The following PTPRG variants were observed in gnomAD, a reference collection of about 807,000 sequenced individuals.
The protein encoded by PTPRG is protein tyrosine phosphatase receptor type G.
PTPRG carries 102 observed loss-of-function variants against 165.3 expected under a neutral mutation model. The ratio of observed to expected loss-of-function variants is 0.62; its 90% CI spans 0.53 to 0.73. The LOEUF (loss-of-function observed/expected upper bound fraction) is 0.73, where lower values mean the gene tolerates loss of function less well. PTPRG is among the 30% of genes least tolerant of loss of function. The probability of loss-of-function intolerance (pLI) is 0.00; values close to 1 mark genes in which losing one functional copy is unlikely to be tolerated. For missense variants in PTPRG, 1,866 were observed against 1,861.4 expected, an observed-to-expected ratio of 1.00 and a Z score of -0.05; for synonymous variants, 675 against 669.5, an observed-to-expected ratio of 1.01 and a Z score of -0.13.
chr3:62,114,840 A>G (rs963359122), intron 5 of PTPRG, among the ~76,000 whole-genome samples: 6 of 152,020 alleles, frequency 3.9e-5, no homozygotes, highest in African/African-American at 1.2e-4. Context: ...AGGGTTCACT[A>G]TGTTGTCCAG....
At chr3:61,851,826 T>C (rs2107367327) in intron 2 of PTPRG, among the ~76,000 whole-genome samples, 1 of 152,284 alleles carries the variant, frequency 6.6e-6, no homozygotes, top group East Asian at 1.9e-4. Context: ...AGTAGCATAA[T>C]TGTGGAGGTG....
At chr3:61,619,043 G>C (rs1701381189) in intron 1 of PTPRG, among the ~76,000 whole-genome samples, 1 of 151,386 alleles carries the variant, frequency 6.6e-6, no homozygotes, top group South Asian at 2.1e-4. Flanking sequence ...TGTGGTCCCA[G>C]CTACTCGGGA....
chr3:62,176,495 G>A (rs1386492240), intron 8 of PTPRG, among the ~76,000 whole-genome samples: 2 of 152,072 alleles, frequency 1.3e-5, no homozygotes, highest in Non-Finnish European at 2.9e-5. Flanking sequence ...GGATGTCATC[G>A]GGTGACTTGA....
chr3:62,094,746 G>T (rs1332472314), intron 5 of PTPRG, among the ~76,000 whole-genome samples: 1 of 152,226 alleles, frequency 6.6e-6, no homozygotes, highest in East Asian at 1.9e-4. Flanking sequence ...TGTTTCTGCA[G>T]TGGACCAGAA....
intron 4 of PTPRG, among the ~76,000 whole-genome samples, chr3:62,058,939 C>A (rs115031838): frequency 0.013 from 2,023 of 152,190 alleles, 29 homozygotes; most frequent in Non-Finnish European, 0.019. Context: ...ATTGTCACAC[C>A]AGAAGGAGAT....
At chr3:61,871,787 G>T (rs993256742) in intron 2 of PTPRG, among the ~76,000 whole-genome samples, 4 of 152,190 alleles carry the variant, frequency 2.6e-5, no homozygotes, top group Non-Finnish European at 4.4e-5. Context: ...TTTTGGAATT[G>T]CAGCTCCCAG....
rs565725364 is a variant in PTPRG, at chr3:61,739,040, G to A, written c.86-9838G>A. 6.5e-5 allele frequency: 8 copies of A among 123,486 alleles called. No homozygotes were observed. The South Asian group carries it at 2.1e-3, about 32-fold the overall frequency. 7.6% of individuals were successfully genotyped at this position (123,486 alleles called of 1,614,324 possible). Reference sequence around the variant, plus strand: ...GGGTCTTGCTTTGTTGCCTAGACTGGTCACAAACTCCTGGGCTCAAGCTCT... The same window carrying A: ...GGGTCTTGCTTTGTTGCCTAGACTGATCACAAACTCCTGGGCTCAAGCTCT... On this transcript the variant is annotated intron_variant, in intron 1 of 29. Coordinates refer to ENST00000474889, the MANE Select transcript of PTPRG (RefSeq NM_002841.4).
At chr3:62,095,919 C>T (rs1702092996) in intron 5 of PTPRG, among the ~76,000 whole-genome samples, 1 of 152,088 alleles carries the variant, frequency 6.6e-6, no homozygotes, top group Non-Finnish European at 1.5e-5. Context: ...AGAAAGCCCT[C>T]AAGGCTCAAG....
intron 13 of PTPRG, among the ~76,000 whole-genome samples, chr3:62,220,573 G>A (rs1700627799): frequency 6.6e-6 from 1 of 152,172 alleles, no homozygotes; most frequent in African/African-American, 2.4e-5. Context: ...GTTTCCTCGG[G>A]CGTCTGACGG....
At chr3:61,711,099 A>G (rs1349343044) in intron 1 of PTPRG, among the ~76,000 whole-genome samples, 1 of 152,006 alleles carries the variant, frequency 6.6e-6, no homozygotes, top group African/African-American at 2.4e-5. Flanking sequence ...ACGGACATAA[A>G]CTCATCCTTT....
At chr3:62,183,247 T>C (rs1343814074) in intron 8 of PTPRG, among the ~76,000 whole-genome samples, 2 of 152,144 alleles carry the variant, frequency 1.3e-5, no homozygotes, top group Non-Finnish European at 1.5e-5. Flanking sequence ...GCTCATCAGA[T>C]AGGACTCGTT....
chr3:62,253,068 C>T (rs1034066172), intron 15 of PTPRG, among the ~76,000 whole-genome samples: 4 of 152,158 alleles, frequency 2.6e-5, no homozygotes, highest in Non-Finnish European at 5.9e-5. Context: ...GTGACATTAG[C>T]TTGGATATTA....
intron 1 of PTPRG, among the ~76,000 whole-genome samples, chr3:61,701,250 C>G (rs2030938636): frequency 6.6e-6 from 1 of 152,120 alleles, no homozygotes; most frequent in African/African-American, 2.4e-5. Context: ...ATGGTCTTGT[C>G]AGAACATGCA....
At chr3:62,177,122 C>T (rs59184537) in intron 8 of PTPRG, among the ~76,000 whole-genome samples, 43,430 of 151,220 alleles carry the variant, frequency 0.29, 6,686 homozygotes, top group African/African-American at 0.41. Flanking sequence ...AAAAATTTAT[C>T]TTTTTTTTAA....
chr3:62,066,537 T>C (rs562594254), intron 4 of PTPRG, among the ~76,000 whole-genome samples: 51 of 152,312 alleles, frequency 3.3e-4, no homozygotes, highest in Non-Finnish European at 4.1e-4. Context: ...GTAGTGATTT[T>C]TGTGTTTTTG....
intron 6 of PTPRG, among the ~76,000 whole-genome samples, chr3:62,139,675 G>T (rs910492389): frequency 6.6e-6 from 1 of 152,118 alleles, no homozygotes; most frequent in Non-Finnish European, 1.5e-5. Flanking sequence ...GTCGAAACAC[G>T]GCACTGGCAG....
At chr3:61,731,803 T>C (rs2032513158) in intron 1 of PTPRG, among the ~76,000 whole-genome samples, 1 of 152,096 alleles carries the variant, frequency 6.6e-6, no homozygotes, top group Admixed American at 6.5e-5. Context: ...TACTTTTTTT[T>C]TTCTTTTTTC....
Position 62,201,664 on chromosome 3 carries a change from A to G in PTPRG, c.1377+110A>G, listed in dbSNP as rs1005603337. 4.3e-5 allele frequency: 42 copies of G among 966,000 alleles called. 1 individual carries two copies. Among genetic ancestry groups the G allele is most frequent in the Non-Finnish European group, 5.5e-5 (36 of 650,824 alleles). The allele number at this position is 966,000 out of a possible 1,614,324, so 59.8% of individuals were successfully genotyped here. The stretch of plus-strand genomic sequence containing the variant: ...AATGTTGTTAAACTGCTCAGTGTAA[A>G]GCGGTTATAGTAGAGAAAAAATTAC... On this transcript the variant is annotated intron_variant, in intron 11 of 29. Coordinates refer to ENST00000474889, the MANE Select transcript of PTPRG (RefSeq NM_002841.4).
chr3:61,698,324 A>G (rs1438086016), intron 1 of PTPRG, among the ~76,000 whole-genome samples: 1 of 152,174 alleles, frequency 6.6e-6, no homozygotes, highest in African/African-American at 2.4e-5. Context: ...CACATAGAAC[A>G]TGTTTTAGGC....
Sources: gnomAD v4.1 joint callset for allele counts (sites outside exome capture counted in the v4.1 genomes callset) on GRCh38, gnomAD v4.1.1 for gene constraint, MANE v1.5 for transcripts, NCBI Gene and HGNC (gene_info 2026-07-23, HGNC 2026-07-21) for gene names.